MALRD1: variants seen among roughly 807,000 people sequenced by gnomAD.
The protein encoded by MALRD1 is MAM and LDL-receptor class A domain-containing protein 1.
MALRD1 carries 247 observed loss-of-function variants against 242.1 expected under a neutral mutation model. The observed-to-expected ratio is 1.02, with a 90% confidence interval of 0.92 to 1.13. MALRD1 has a LOEUF of 1.13. Among genes scored for constraint, MALRD1 ranks in the 50% most tolerant of loss-of-function variants. The pLI is 0.00. For missense variants in MALRD1, 2,989 were observed against 2,533.1 expected, an observed-to-expected ratio of 1.18 and a Z score of -3.86; for synonymous variants, 995 against 866.6, an observed-to-expected ratio of 1.15 and a Z score of -2.60.
intron 22 of MALRD1, 107 bp from the exon 23 acceptor site, chr10:19,327,456 T>A (rs903515282): frequency 1.3e-6 from 1 of 745,930 alleles, no homozygotes; most frequent in Non-Finnish European, 2.2e-6. Flanking sequence ...CAGGACTTCA[T>A]GTTGATATTG....
At chr10:19,478,266 T>A (rs1836833261) in intron 29 of MALRD1, among the ~76,000 whole-genome samples, 1 of 152,164 alleles carries the variant, frequency 6.6e-6, no homozygotes, top group African/African-American at 2.4e-5. Context: ...AAGGAAATAA[T>A]CATCTCCCAA....
At chr10:19,526,780 A>G (rs1439223677) in intron 31 of MALRD1, among the ~76,000 whole-genome samples, 2 of 152,280 alleles carry the variant, frequency 1.3e-5, no homozygotes, top group South Asian at 2.1e-4. Context: ...TATCATTCCC[A>G]GTGAATTAAA....
intron 34 of MALRD1, among the ~76,000 whole-genome samples, chr10:19,596,385 T>G (rs1394692703): frequency 6.6e-6 from 1 of 152,184 alleles, no homozygotes; most frequent in Admixed American, 6.6e-5. Flanking sequence ...TGTTAATGAC[T>G]ATACTTTTTG....
intron 19 of MALRD1, among the ~76,000 whole-genome samples, chr10:19,263,568 G>A (rs1241034975): frequency 1.3e-5 from 2 of 151,920 alleles, no homozygotes; most frequent in African/African-American, 4.8e-5. Flanking sequence ...CTCCTTATTG[G>A]TTATATGGTT....
intron 36 of MALRD1, among the ~76,000 whole-genome samples, chr10:19,635,238 C>A (rs889105293): frequency 6.6e-6 from 1 of 151,958 alleles, no homozygotes; most frequent in African/African-American, 2.4e-5. Flanking sequence ...AAATAAAACT[C>A]CAAGATAGTA....
chr10:19,446,090 C>T (rs7078417), intron 28 of MALRD1, among the ~76,000 whole-genome samples: 7 of 152,250 alleles, frequency 4.6e-5, no homozygotes, highest in East Asian at 1.9e-4. Context: ...CCGAGCCAGG[C>T]GTGGGATATA....
At chr10:19,064,593 A>G (rs1834914671) in intron 1 of MALRD1, among the ~76,000 whole-genome samples, 1 of 151,626 alleles carries the variant, frequency 6.6e-6, no homozygotes, top group Non-Finnish European at 1.5e-5. Context: ...GAGACTATTT[A>G]GATGAAAAAA....
At chr10:19,730,208 A>T (rs367880391) in intron 38 of MALRD1, among the ~76,000 whole-genome samples, 105 of 152,344 alleles carry the variant, frequency 6.9e-4, no homozygotes, top group African/African-American at 2.0e-3. Context: ...AGTTGTATTT[A>T]AATTTGCTGA....
At chr10:19,552,584 T>C (rs1442832547) in intron 32 of MALRD1, among the ~76,000 whole-genome samples, 1 of 151,840 alleles carries the variant, frequency 6.6e-6, no homozygotes, top group African/African-American at 2.4e-5. Flanking sequence ...GTATCCTTAT[T>C]TGTAAACATA....
At chr10:19,165,138 A>G (rs1223428294) in intron 12 of MALRD1, among the ~76,000 whole-genome samples, 1 of 150,900 alleles carries the variant, frequency 6.6e-6, no homozygotes, top group African/African-American at 2.4e-5. Flanking sequence ...AGAGAGAAGG[A>G]TTCTGGAAAC....
At chr10:19,578,075 A>C (rs74122012) in intron 33 of MALRD1, among the ~76,000 whole-genome samples, 3,314 of 152,212 alleles carry the variant, frequency 0.022, 133 homozygotes, top group African/African-American at 0.077. Flanking sequence ...TATAAAAACA[A>C]GTTCATTTGT....
chr10:19,191,634 T>A (rs908284319), intron 14 of MALRD1, among the ~76,000 whole-genome samples: 2 of 152,168 alleles, frequency 1.3e-5, no homozygotes, highest in African/African-American at 2.4e-5. Context: ...ATGTGGTGAA[T>A]GCATACAATG....
intron 32 of MALRD1, among the ~76,000 whole-genome samples, chr10:19,561,988 C>T (rs1278882359): frequency 6.6e-6 from 1 of 152,106 alleles, no homozygotes; most frequent in African/African-American, 2.4e-5. Context: ...GGGAATGTTC[C>T]TCTGATCTTC....
intron 36 of MALRD1, among the ~76,000 whole-genome samples, chr10:19,680,972 C>T (rs1194519371): frequency 6.6e-6 from 1 of 152,142 alleles, no homozygotes; most frequent in Admixed American, 6.6e-5. Context: ...ATATTGGCCT[C>T]CCGATATCTT....
At chr10:19,200,657 T>G (rs1185495725) in intron 14 of MALRD1, among the ~76,000 whole-genome samples, 1 of 145,826 alleles carries the variant, frequency 6.9e-6, no homozygotes, top group African/African-American at 2.6e-5. Context: ...TTTTTTTTTT[T>G]TTTTTTTTTT....
chr10:19,704,421 G>T (rs1833766386), intron 38 of MALRD1, among the ~76,000 whole-genome samples: 1 of 152,098 alleles, frequency 6.6e-6, no homozygotes, highest in Admixed American at 6.6e-5. Flanking sequence ...AGAAAGATCT[G>T]GAGCCTCTTT....
chr10:19,102,413 G>A (rs1476750396), intron 4 of MALRD1, among the ~76,000 whole-genome samples: 2 of 152,012 alleles, frequency 1.3e-5, no homozygotes, highest in Non-Finnish European at 2.9e-5. Flanking sequence ...TCTATAGGTT[G>A]TGGATGTTTC....
chr10:19,512,383 C>CT (rs1487793617), intron 31 of MALRD1, among the ~76,000 whole-genome samples: 1 of 152,154 alleles, frequency 6.6e-6, no homozygotes, highest in Admixed American at 6.5e-5. Flanking sequence ...ATATTATTGC[C>CT]ATCAAGGACA....
At chr10:19,448,566 A>G (rs1835133391) in intron 28 of MALRD1, among the ~76,000 whole-genome samples, 1 of 152,136 alleles carries the variant, frequency 6.6e-6, no homozygotes, top group Non-Finnish European at 1.5e-5. Flanking sequence ...CAACTGGTTA[A>G]TATGCTGTTT....
Sources: allele counts gnomAD v4.1 joint callset (sites outside exome capture counted in the v4.1 genomes callset), GRCh38; gene constraint gnomAD v4.1.1; transcripts MANE v1.5; gene names NCBI Gene and HGNC (gene_info 2026-07-23, HGNC 2026-07-21).